CDYL2: variants seen among roughly 807,000 people sequenced by gnomAD.
CDYL2 encodes the protein chromodomain Y-like protein 2.
CDYL2 carries 23 observed loss-of-function variants against 49.4 expected under a neutral mutation model. The ratio of observed to expected loss-of-function variants is 0.47; its 90% CI spans 0.34 to 0.66. The LOEUF (loss-of-function observed/expected upper bound fraction) is 0.66. CDYL2 is among the 30% of genes least tolerant of loss of function. The pLI is 0.01. For missense variants in CDYL2, 678 were observed against 656.4 expected (o/e 1.03, Z -0.36); for synonymous variants, 360 against 268.8 (o/e 1.34, Z -3.32).
chr16:80,620,626 G>A (rs950404066), intron 4 of CDYL2, 137 bp downstream of exon 4: 11 of 661,824 alleles, frequency 1.7e-5, no homozygotes, highest in African/African-American at 7.6e-5. Context: ...AGCAGACCTC[G>A]AGTATTGCAC....
intron 1 of CDYL2, among the ~76,000 whole-genome samples, chr16:80,720,498 A>T (rs1904961260): frequency 6.6e-6 from 1 of 152,330 alleles, no homozygotes; most frequent in Non-Finnish European, 1.5e-5. Context: ...ATACTCTAGA[A>T]AGGAGGGTAT....
At chr16:80,741,213 T>A (rs1410390741) in intron 1 of CDYL2, among the ~76,000 whole-genome samples, 1 of 150,826 alleles carries the variant, frequency 6.6e-6, no homozygotes, top group Non-Finnish European at 1.5e-5. Context: ...ATTTTATATA[T>A]AATAAAATGG....
chr16:80,751,664 G>C (rs921388170), intron 1 of CDYL2, among the ~76,000 whole-genome samples: 1 of 152,236 alleles, frequency 6.6e-6, no homozygotes, highest in African/African-American at 2.4e-5. Context: ...AGGCTCAAGT[G>C]TTGAGCAGAA....
intron 2 of CDYL2, chr16:80,639,771 G>C: frequency 2.2e-6 from 1 of 455,468 alleles, no homozygotes; most frequent in Non-Finnish European, 4.4e-6. Context: ...CCCTGAAGCA[G>C]TAGTGTGGTA....
chr16:80,670,657 C>T (rs779770257), intron 2 of CDYL2, among the ~76,000 whole-genome samples: 5 of 152,106 alleles, frequency 3.3e-5, no homozygotes, highest in South Asian at 2.1e-4. Context: ...GCTCCGTGGA[C>T]GGCAACGTCT....
At chr16:80,608,453 G>A (rs1471631423) in intron 5 of CDYL2, among the ~76,000 whole-genome samples, 1 of 152,158 alleles carries the variant, frequency 6.6e-6, no homozygotes, top group African/African-American at 2.4e-5. Flanking sequence ...TTCCCCAAAG[G>A]AGCTGTGTAT....
chr16:80,683,056 G>C (rs988989748), intron 2 of CDYL2, among the ~76,000 whole-genome samples: 1 of 152,208 alleles, frequency 6.6e-6, no homozygotes, highest in Non-Finnish European at 1.5e-5. Flanking sequence ...AGGGGAGCCA[G>C]CTCTGCACGT....
chr16:80,606,044 C>T (rs1241521237), intron 6 of CDYL2, among the ~76,000 whole-genome samples: 2 of 152,212 alleles, frequency 1.3e-5, no homozygotes, highest in Non-Finnish European at 2.9e-5. Flanking sequence ...GTGCATTCTT[C>T]GCTGGCCTCC....
chr16:80,689,646 G>A (rs186185746), intron 1 of CDYL2, among the ~76,000 whole-genome samples: 6 of 152,292 alleles, frequency 3.9e-5, no homozygotes, highest in Admixed American at 3.9e-4. Flanking sequence ...CAAGAGGAAC[G>A]GATACTGAGG....
Position 80,775,147 on chromosome 16 carries a change from T to C in CDYL2, c.24+29003A>G, listed in dbSNP as rs1354838938. Among the ~76,000 whole-genome samples, 3 of 151,790 alleles carry C rather than the reference T, an allele frequency of 2.0e-5. No individual in the cohort carries two copies. In the East Asian group the frequency reaches 5.8e-4, roughly 29 times the overall value. On this transcript the variant is annotated intron_variant, in intron 1 of 6. Coordinates refer to ENST00000570137, the MANE Select transcript of CDYL2 (RefSeq NM_152342.4). ...ATGCACAGTCCCTTTCTGAAAGAGC[T>C]ACTATAAGAAATACTTCAGCATCTT... is the stretch of plus-strand genomic sequence containing the variant.
chr16:80,755,233 G>C (rs1310089063), intron 1 of CDYL2, among the ~76,000 whole-genome samples: 1 of 152,184 alleles, frequency 6.6e-6, no homozygotes, highest in Non-Finnish European at 1.5e-5. Flanking sequence ...GGGACTCTAA[G>C]AGGCTGTGTT....
chr16:80,618,923 C>G (rs747273998), intron 4 of CDYL2, among the ~76,000 whole-genome samples: 1 of 152,212 alleles, frequency 6.6e-6, no homozygotes, highest in Non-Finnish European at 1.5e-5. Flanking sequence ...TCCCAGGGAA[C>G]AGTCACCACA....
intron 2 of CDYL2, among the ~76,000 whole-genome samples, chr16:80,635,593 G>A (rs1451054429): frequency 6.6e-6 from 1 of 152,192 alleles, no homozygotes; most frequent in Non-Finnish European, 1.5e-5. Flanking sequence ...AACATTCCAT[G>A]CTCATGGAAA....
At chr16:80,660,175 A>T (rs547137227) in intron 2 of CDYL2, among the ~76,000 whole-genome samples, 177 of 152,238 alleles carry the variant, frequency 1.2e-3, no homozygotes, top group Middle Eastern at 0.01. Context: ...GACTCTAAAA[A>T]AATTAAGAGA....
At chr16:80,616,008 C>A (rs548927983) in intron 4 of CDYL2, among the ~76,000 whole-genome samples, 11 of 152,190 alleles carry the variant, frequency 7.2e-5, no homozygotes, top group Non-Finnish European at 1.5e-4. Context: ...GCCACCTTCC[C>A]CCACATCCAA....
intron 1 of CDYL2, among the ~76,000 whole-genome samples, chr16:80,711,786 T>C (rs1251621571): frequency 6.6e-6 from 1 of 152,090 alleles, no homozygotes; most frequent in Non-Finnish European, 1.5e-5. Flanking sequence ...CAAGGGACAC[T>C]CCTGCCACCT....
chr16:80,713,413 G>T (rs1166871588), intron 1 of CDYL2, among the ~76,000 whole-genome samples: 1 of 152,102 alleles, frequency 6.6e-6, no homozygotes, highest in Non-Finnish European at 1.5e-5. Context: ...AAATCAAATG[G>T]CCTTTCAGAT....
At chr16:80,621,316 T>G (rs371841955) in intron 3 of CDYL2, among the ~76,000 whole-genome samples, 2 of 152,250 alleles carry the variant, frequency 1.3e-5, no homozygotes, top group African/African-American at 4.8e-5. Flanking sequence ...ACAGCCCAAG[T>G]GAGGGATGTA....
intron 3 of CDYL2, among the ~76,000 whole-genome samples, chr16:80,632,324 A>T (rs13333767): frequency 0.43 from 65,360 of 152,064 alleles, 16,036 homozygotes; most frequent in African/African-American, 0.68. Flanking sequence ...AAAGGCTACA[A>T]ACTGCACGTT....
Sources: gnomAD v4.1 joint callset for allele counts (sites outside exome capture counted in the v4.1 genomes callset) on GRCh38, gnomAD v4.1.1 for gene constraint, MANE v1.5 for transcripts, NCBI Gene and HGNC (gene_info 2026-07-23, HGNC 2026-07-21) for gene names.